DYNC2H1: variants seen among roughly 807,000 people sequenced by gnomAD.
DYNC2H1 encodes the protein dynein cytoplasmic 2 heavy chain 1, also known as cytoplasmic dynein 2 heavy chain 1.
A neutral mutation model predicts 570.0 loss-of-function variants in DYNC2H1; 410 were observed. The ratio of observed to expected loss-of-function variants is 0.72; its 90% confidence interval spans 0.66 to 0.78. The LOEUF (loss-of-function observed/expected upper bound fraction) is 0.78. DYNC2H1 is among the 30% of genes least tolerant of loss of function. The pLI, the probability that DYNC2H1 is intolerant of heterozygous loss-of-function variation, is 0.00. For synonymous variants in DYNC2H1, 1,688 were observed against 1,677.6 expected (o/e 1.01, Z -0.15); for missense variants, 4,865 against 5,046.4 (o/e 0.96, Z 1.09).
intron 82 of DYNC2H1, among the ~76,000 whole-genome samples, chr11:103,348,501 T>A (rs1939870000): frequency 6.6e-6 from 1 of 152,156 alleles, no homozygotes; most frequent in Non-Finnish European, 1.5e-5. Flanking sequence ...TTTATCAGTA[T>A]GGATTAGTTT....
Position 103,316,531 on chromosome 11 carries a change from T to A in DYNC2H1, c.11650-14T>A, listed in dbSNP as rs1395653400. ...CTGCTTAGTTGTTTACTTAAAAAAA[T>A]TGTTTTTTGACAGGGTTGGACAAAG... On this transcript the variant is annotated splice_polypyrimidine_tract_variant and intron_variant, in intron 79 of 88. Transcript: ENST00000375735. 1.3e-6 allele frequency: 2 copies of A among 1,533,130 alleles called. No individual in the cohort carries two copies. Among genetic ancestry groups the A allele is most frequent in the East Asian group, 4.9e-5 (2 of 40,526 alleles). 95.0% of individuals were successfully genotyped at this position (1,533,130 alleles called of 1,614,324 possible). A position where few individuals can be genotyped will look rare whatever the true frequency, so the allele number is the denominator to read the frequency against.
At chr11:103,122,303 A>G (rs955507899) in intron 10 of DYNC2H1, among the ~76,000 whole-genome samples, 36 of 152,106 alleles carry the variant, frequency 2.4e-4, no homozygotes, top group Admixed American at 1.1e-3. Flanking sequence ...TGTATTTTTG[A>G]TGTTTTATTT....
Position 103,189,853 on chromosome 11 carries a change from T to C in DYNC2H1, c.7437+37T>C, listed in dbSNP as rs1209897843. The C allele has an allele frequency of 6.5e-7, 1 of 1,545,768 alleles. No homozygotes were observed. The highest frequency in any genetic ancestry group is 8.7e-7 in the Non-Finnish European group (1 of 1,151,206). ...TCTAAATTGTAGCTTTCATGTCTAT[T>C]AGTATCATTTCTAAAGGTCTACTTT... On this transcript the variant is annotated intron_variant, in intron 45 of 88. Transcript: ENST00000375735. The surrounding 1 kb of genome is among the most constrained non-coding windows in gnomAD (Gnocchi z 4.3).
chr11:103,180,963 T>C (rs1861828807), intron 39 of DYNC2H1, among the ~76,000 whole-genome samples: 1 of 151,484 alleles, frequency 6.6e-6, no homozygotes, highest in African/African-American at 2.4e-5. Flanking sequence ...TGGTGGAAGA[T>C]AGGAAAAAAT....
Position 103,304,575 on chromosome 11 carries a change from T to C in DYNC2H1, c.11257-20T>C, listed in dbSNP as rs536770097. 6.9e-6 allele frequency: 11 copies of C among 1,604,842 alleles called. No individual in the cohort carries two copies. In the East Asian group the frequency reaches 2.5e-4, roughly 36 times the overall value. ...TAGCAGATCTGTTTTTAAATTTTGT[T>C]TGTTTTTTTGCTTTTGTAGGTTGCC... On this transcript the variant is annotated intron_variant, in intron 76 of 88. Coordinates refer to ENST00000375735, the MANE Select transcript of DYNC2H1 (RefSeq NM_001377.3).
chr11:103,282,159 C>T lies in DYNC2H1; in HGVS notation c.10762-20C>T, dbSNP rs1467064052. 3.1e-6 allele frequency: 5 copies of T among 1,595,320 alleles called. No individual in the cohort carries two copies. Among genetic ancestry groups the T allele is most frequent in the East Asian group, 2.3e-5 (1 of 43,972 alleles). On this transcript the variant is annotated intron_variant, in intron 71 of 88. Transcript: ENST00000375735. ...GTTATCATTTTTATATTTTTGTGTT[C>T]CTATATTTTTATTCAATAGGAATGG...
Position 103,257,602 on chromosome 11 carries a change from C to G in DYNC2H1, c.10462-6C>G, listed in dbSNP as rs774167415. ...CCCTATCCCCTACTGATCTCTTGAT[C>G]CATAGGAACGGGATGCCTATCTCCC... is the stretch of plus-strand genomic sequence containing the variant. On this transcript the variant is annotated splice_region_variant and splice_polypyrimidine_tract_variant and intron_variant, in intron 68 of 88. Transcript: ENST00000375735. 5 of 1,607,182 alleles carry G rather than the reference C, an allele frequency of 3.1e-6. No homozygotes were observed. Among genetic ancestry groups the G allele is most frequent in the Non-Finnish European group, 3.4e-6 (4 of 1,175,994 alleles).
At chr11:103,410,346 C>T (rs1565574378) in intron 84 of DYNC2H1, among the ~76,000 whole-genome samples, 1 of 151,926 alleles carries the variant, frequency 6.6e-6, no homozygotes, top group Non-Finnish European at 1.5e-5. Flanking sequence ...GAAAATGTAG[C>T]CCATTTCTTC....
rs946345110 is a variant in DYNC2H1, at chr11:103,241,712, C to T, written c.9820-1981C>T. Reference sequence around the variant, plus strand: ...ATTTACTAACCACATCATTGTGCTTCGAGTAGTACATTTACGTGATGGAGC... The same window carrying T: ...ATTTACTAACCACATCATTGTGCTTTGAGTAGTACATTTACGTGATGGAGC... On this transcript the variant is annotated intron_variant, in intron 63 of 88. Coordinates refer to ENST00000375735, the MANE Select transcript of DYNC2H1 (RefSeq NM_001377.3). The surrounding 1 kb of genome is among the most constrained non-coding windows in gnomAD (Gnocchi z 5.1). Among the ~76,000 whole-genome samples the T allele has an allele frequency of 1.3e-5, 2 of 152,036 alleles. No homozygotes were observed. The highest frequency in any genetic ancestry group is 2.4e-5 in the African/African-American group (1 of 41,402).
Position 103,203,858 on chromosome 11 carries a change from A to G in DYNC2H1, c.8311+82A>G. The G allele has an allele frequency of 1.1e-6, 1 of 926,316 alleles. No homozygotes were observed. Among genetic ancestry groups the G allele is most frequent in the Non-Finnish European group, 1.6e-6 (1 of 629,664 alleles). 57.4% of individuals were successfully genotyped at this position (926,316 alleles called of 1,614,324 possible). A position where few individuals can be genotyped will look rare whatever the true frequency, so the allele number is the denominator to read the frequency against. On this transcript the variant is annotated intron_variant, in intron 51 of 88. Coordinates refer to ENST00000375735, the MANE Select transcript of DYNC2H1 (RefSeq NM_001377.3). This position sits in a 1 kb window ranked among gnomAD's most constrained non-coding sequence, Gnocchi z 4.7. The stretch of plus-strand genomic sequence containing the variant: ...ATTTAATTTGCCTTATTTTGTCATT[A>G]GATTGCAAAGGTATCTTAAATCTTT...
At chr11:103,424,705 C>CAAAAAAAA (rs72076859) in intron 84 of DYNC2H1, among the ~76,000 whole-genome samples, 3 of 131,038 alleles carry the variant, frequency 2.3e-5, no homozygotes, top group Non-Finnish European at 3.3e-5. Flanking sequence ...ACTGGCTCTC[C>CAAAAAAAA]AAAAAAAAAA....
rs1457070524 is a variant in DYNC2H1, at chr11:103,287,570, A to G, written c.11060A>G (p.Gln3687Arg). ...VVQALRPDRL[Q>R]SAMALFACKT... The stretch of plus-strand genomic sequence containing the variant: ...CAGGCGCTAAGACCGGACAGATTGC[A>G]AAGTGCCATGGCTCTTTTTGCATGT... The change falls in exon 75 of 89, where the codon CAA becomes CGA. Residue 3687 changes from glutamine (Q) to arginine (R), a missense_variant. Around this residue, in one of 5 missense-constraint regions of DYNC2H1, gnomAD observed 2,401 missense variants for 2,454.6 expected, o/e 0.98. Coordinates refer to ENST00000375735, the MANE Select transcript of DYNC2H1 (RefSeq NM_001377.3). 3.1e-6 allele frequency: 5 copies of G among 1,612,162 alleles called. No homozygotes were observed. Among genetic ancestry groups the G allele is most frequent in the Non-Finnish European group, 3.4e-6 (4 of 1,179,030 alleles).
At chr11:103,337,723 T>C (rs554553461) in intron 82 of DYNC2H1, among the ~76,000 whole-genome samples, 6 of 152,350 alleles carry the variant, frequency 3.9e-5, no homozygotes, top group African/African-American at 1.4e-4. Context: ...TGTTTTTTAA[T>C]CCAATTATTT....
At chr11:103,391,053 G>T (rs991018695) in intron 83 of DYNC2H1, among the ~76,000 whole-genome samples, 6 of 152,160 alleles carry the variant, frequency 3.9e-5, no homozygotes, top group Non-Finnish European at 7.3e-5. Flanking sequence ...TGTCTTGCTA[G>T]ATTGGGGAAA....
chr11:103,120,918 A>G lies in DYNC2H1; in HGVS notation c.1249-7A>G, dbSNP rs1858671924. ...GATGAACATGTACTTATTTTATTTTATATTAGCTTCTTCAAGCATTCCTGA... is the reference window on the plus strand; with the variant it reads ...GATGAACATGTACTTATTTTATTTTGTATTAGCTTCTTCAAGCATTCCTGA... On this transcript the variant is annotated splice_region_variant and splice_polypyrimidine_tract_variant and intron_variant, in intron 8 of 88. Coordinates refer to ENST00000375735, the MANE Select transcript of DYNC2H1 (RefSeq NM_001377.3). 2.1e-6 allele frequency: 3 copies of G among 1,462,966 alleles called. No homozygotes were observed. Among genetic ancestry groups the G allele is most frequent in the Non-Finnish European group, 2.7e-6 (3 of 1,104,314 alleles). The allele number at this position is 1,462,966 out of a possible 1,614,324, so 90.6% of individuals were successfully genotyped here.
intron 83 of DYNC2H1, among the ~76,000 whole-genome samples, chr11:103,385,569 A>G (rs73599068): frequency 0.011 from 1,615 of 152,282 alleles, 27 homozygotes; most frequent in African/African-American, 0.036. Context: ...AATAAAACTT[A>G]TATTAGCTTC....
rs771640184 is a variant in DYNC2H1 at position 103,121,464 on chromosome 11, A to G, written c.1453A>G (p.Ser485Gly). 21 of 1,613,236 alleles carry G rather than the reference A, an allele frequency of 1.3e-5. 1 individual carries two copies. The South Asian group carries it at 2.2e-4, about 17-fold the overall frequency. Reference sequence around the variant, plus strand: ...CAAAAATCTTTCAGAAGTTGTCAACAGTATAGTTTGGGTTCGCCAGTTGGA... The same window carrying G: ...CAAAAATCTTTCAGAAGTTGTCAACGGTATAGTTTGGGTTCGCCAGTTGGA... ...SGKNLSEVVN[S>G]IVWVRQLELK... Residue 485 changes from serine to glycine, a missense_variant, in exon 10 of 89, where the codon AGT (serine) becomes GGT (glycine). Ser to Gly is a moderately conservative substitution (Grantham distance 56). Transcript: ENST00000375735.
intron 85 of DYNC2H1, among the ~76,000 whole-genome samples, chr11:103,443,433 A>G (rs1479175318): frequency 6.6e-6 from 1 of 151,838 alleles, no homozygotes; most frequent in Non-Finnish European, 1.5e-5. Context: ...TTATTTATCT[A>G]TTTGTCTGTT....
chr11:103,183,099 G>T (rs1479158429), intron 40 of DYNC2H1, among the ~76,000 whole-genome samples: 1 of 151,846 alleles, frequency 6.6e-6, no homozygotes, highest in African/African-American at 2.4e-5. Context: ...CACCTTGAAG[G>T]CAAGGACCAA....
Sources: gnomAD v4.1 joint callset for allele counts (sites outside exome capture counted in the v4.1 genomes callset) on GRCh38, gnomAD v4.1.1 for gene constraint, gnomAD v4.1.1 regional missense constraint, Gnocchi (gnomAD v3.1) non-coding constraint, MANE v1.5 for transcripts, NCBI Gene and HGNC (gene_info 2026-07-23, HGNC 2026-07-21) for gene names.